MACF1: variants seen among roughly 807,000 people sequenced by gnomAD.
MACF1 encodes microtubule actin crosslinking factor 1.
Under a neutral mutation model 854.8 loss-of-function variants are expected in MACF1, and 193 were observed. The observed-to-expected ratio is 0.23, with a 90% CI of 0.20 to 0.25. The LOEUF (loss-of-function observed/expected upper bound fraction) is 0.25. MACF1 is among the 10% of genes least tolerant of loss of function. MACF1 has a pLI of 1.00. For synonymous variants in MACF1, 3,185 were observed against 3,226.7 expected, an observed-to-expected ratio of 0.99 and a Z score of 0.44; for missense variants, 7,722 against 8,929.1, an observed-to-expected ratio of 0.86 and a Z score of 5.45.
At chr1:39,441,470 T>C in intron 74 of MACF1, 145 bp downstream of exon 74, 2 of 645,324 alleles carry the variant, frequency 3.1e-6, no homozygotes, top group Non-Finnish European at 5.4e-6. Flanking sequence ...TTAGCCAAAG[T>C]TCCCCACTTG....
intron 2 of MACF1, chr1:39,103,018 T>C (rs1470350019): frequency 1.3e-5 from 9 of 694,292 alleles, no homozygotes; most frequent in Non-Finnish European, 2.1e-5. Context: ...ATTAGAAGAA[T>C]GCATTATTTC....
intron 58 of MACF1, chr1:39,410,426 T>C (rs773111837): frequency 1.2e-6 from 2 of 1,614,000 alleles, no homozygotes; most frequent in Non-Finnish European, 1.7e-6. Flanking sequence ...GGGTCAAAGC[T>C]TAACCAGACT....
At position 39,335,879 on chromosome 1, in the gene MACF1, C is replaced by T. The variant is rs1571353111; in HGVS notation, c.9291C>T (p.Ala3097=). Residue 3097 remains alanine, a synonymous_variant, in exon 37 of 101, where the codon GCC becomes GCT. Coordinates refer to ENST00000564288, the MANE Select transcript of MACF1 (RefSeq NM_001394062.1). ...ENLSREIACG[A]QSEPFPCMTP... ...TATCTCGAGAAATTGCCTGTGGGGCCCAGAGTGAACCATTCCCTTGTATGA... is the reference window on the plus strand; with the variant it reads ...TATCTCGAGAAATTGCCTGTGGGGCTCAGAGTGAACCATTCCCTTGTATGA... The T allele has an allele frequency of 1.9e-6, 3 of 1,613,932 alleles. No homozygotes were observed. Among genetic ancestry groups the T allele is most frequent in the Middle Eastern group, 1.6e-4 (1 of 6,062 alleles).
intron 3 of MACF1, among the ~76,000 whole-genome samples, chr1:39,250,354 C>A (rs2148333111): frequency 6.6e-6 from 1 of 152,210 alleles, no homozygotes; most frequent in Non-Finnish European, 1.5e-5. Context: ...CTTTTTATAT[C>A]TGCATGTTTT....
intron 53 of MACF1, 138 bp from the exon 54 acceptor site, chr1:39,379,065 C>A (rs1201703796): frequency 5.3e-5 from 51 of 967,148 alleles, no homozygotes; most frequent in Non-Finnish European, 7.6e-5. Flanking sequence ...TAAATGGGAA[C>A]TTTTGTATGA....
At chr1:39,430,139 C>T in intron 65 of MACF1, 71 bp downstream of exon 65, 1 of 1,508,238 alleles carries the variant, frequency 6.6e-7, no homozygotes, top group African/African-American at 1.4e-5. Context: ...TTTTATCAAC[C>T]TTTACCTTAA....
chr1:39,244,762 AG>A (rs1275813915), intron 2 of MACF1, among the ~76,000 whole-genome samples: 1 of 152,028 alleles, frequency 6.6e-6, no homozygotes, highest in Non-Finnish European at 1.5e-5. Flanking sequence ...TATTTTTAGT[AG>A]ATAAAAGGTT....
In MACF1 at chr1:39,344,072, G is replaced by A. The variant is rs1322893481; in HGVS notation, c.10582-2905G>A. ...AGAGGTTGTGGTGAGCCGAGGTTGCGCCATTGCACTCCAGCCTGGGCAACA... is the reference window on the plus strand; with the variant it reads ...AGAGGTTGTGGTGAGCCGAGGTTGCACCATTGCACTCCAGCCTGGGCAACA... On this transcript the variant is annotated intron_variant, in intron 40 of 100. Transcript: ENST00000564288. Among the ~76,000 whole-genome samples the A allele has an allele frequency of 8.8e-5, 13 of 147,278 alleles. No homozygotes were observed. In the East Asian group the frequency reaches 2.0e-3, roughly 23 times the overall value.
intron 49 of MACF1, among the ~76,000 whole-genome samples, chr1:39,363,330 C>T (rs955508578): frequency 1.3e-5 from 2 of 152,152 alleles, no homozygotes; most frequent in African/African-American, 4.8e-5. Flanking sequence ...TCTTTCCTGT[C>T]TCTTCCATCC....
chr1:39,170,060 C>T (rs1643927386), intron 2 of MACF1, among the ~76,000 whole-genome samples: 1 of 151,254 alleles, frequency 6.6e-6, no homozygotes, highest in African/African-American at 2.4e-5. Context: ...AGATTACAGG[C>T]GTGAGCCACC....
At chr1:39,361,817 C>T (rs1484954274) in intron 49 of MACF1, 140 bp downstream of exon 49, 10 of 778,344 alleles carry the variant, frequency 1.3e-5, no homozygotes, top group Non-Finnish European at 1.9e-5. Context: ...ACAGTGATCC[C>T]GTAAACTAGG....
chr1:39,260,754 A>AC (rs1645154469), intron 6 of MACF1, among the ~76,000 whole-genome samples: 1 of 151,626 alleles, frequency 6.6e-6, no homozygotes. Flanking sequence ...CAAACAAAAA[A>AC]CCCCATGAAT....
chr1:39,234,846 G>A (rs1422817015), intron 2 of MACF1, among the ~76,000 whole-genome samples: 1 of 48,738 alleles, frequency 2.1e-5, no homozygotes, highest in Non-Finnish European at 6.6e-5. Flanking sequence ...GCTGGGCAGA[G>A]GTGCTCCTCA....
chr1:39,445,021 T>C (rs191922616), intron 80 of MACF1, among the ~76,000 whole-genome samples, 186 bp downstream of exon 80: 1 of 152,364 alleles, frequency 6.6e-6, no homozygotes, highest in Admixed American at 6.5e-5. Context: ...TTTATAATTA[T>C]TCATTCCTTA....
intron 65 of MACF1, among the ~76,000 whole-genome samples, chr1:39,430,479 A>T (rs922723264): frequency 1.3e-5 from 2 of 152,118 alleles, no homozygotes; most frequent in African/African-American, 4.8e-5. Context: ...CCCAGAGACA[A>T]TGTGGCTCAA....
At chr1:39,188,147 T>G (rs1184079565) in intron 2 of MACF1, among the ~76,000 whole-genome samples, 3 of 152,090 alleles carry the variant, frequency 2.0e-5, no homozygotes, top group African/African-American at 7.2e-5. Context: ...CATTTAAGAC[T>G]TGGGCCCTGG....
chr1:39,477,090 T>TATATACAC (rs1350608847), intron 97 of MACF1, among the ~76,000 whole-genome samples: 4 of 26,248 alleles, frequency 1.5e-4, no homozygotes, highest in Non-Finnish European at 2.2e-4. Flanking sequence ...TATATATATA[T>TATATACAC]ACACACACAC....
At chr1:39,242,630 G>A (rs72637906) in intron 2 of MACF1, among the ~76,000 whole-genome samples, 24,205 of 151,490 alleles carry the variant, frequency 0.16, 2,407 homozygotes, top group Middle Eastern at 0.22. Context: ...TGCGCCTTGG[G>A]AGACTGAGGT....
chr1:39,142,059 G>A (rs772389142), intron 2 of MACF1, among the ~76,000 whole-genome samples: 1 of 152,134 alleles, frequency 6.6e-6, no homozygotes, highest in Admixed American at 6.5e-5. Flanking sequence ...GCTTTTTGTG[G>A]GGAACAGTGG....
Sources: allele counts gnomAD v4.1 joint callset (sites outside exome capture counted in the v4.1 genomes callset), GRCh38; gene constraint gnomAD v4.1.1; transcripts MANE v1.5; gene names NCBI Gene and HGNC (gene_info 2026-07-23, HGNC 2026-07-21).